ESF1: variants seen among roughly 807,000 people sequenced by gnomAD.
ESF1 encodes ESF1 homolog.
In ESF1, 58 loss-of-function variants were observed where a neutral mutation model predicts 92.0. The observed-to-expected ratio is 0.63, with a 90% CI of 0.51 to 0.78. The LOEUF is 0.78. Among genes scored for constraint, ESF1 ranks in the 30% least tolerant of loss-of-function variants. The probability of loss-of-function intolerance (pLI) is 0.00; values close to 1 mark genes in which losing one functional copy is unlikely to be tolerated. For synonymous variants in ESF1, 321 were observed against 313.7 expected, an observed-to-expected ratio of 1.02 and a Z score of -0.24; for missense variants, 922 against 989.1, an observed-to-expected ratio of 0.93 and a Z score of 0.91.
intron 3 of ESF1, among the ~76,000 whole-genome samples, 191 bp downstream of exon 3, chr20:13,775,682 G>GT (rs1172849632): frequency 6.6e-6 from 1 of 152,062 alleles, no homozygotes; most frequent in Non-Finnish European, 1.5e-5. Context: ...AATTATTTAT[G>GT]TAGAGCCTCT....
chr20:13,722,198 G>A (rs1235803110), intron 11 of ESF1, among the ~76,000 whole-genome samples: 1 of 152,072 alleles, frequency 6.6e-6, no homozygotes, highest in Non-Finnish European at 1.5e-5. Flanking sequence ...ACCTGGTGAA[G>A]AGTCTTAAAA....
chr20:13,764,389 G>C (rs977758148), intron 8 of ESF1, among the ~76,000 whole-genome samples: 6 of 152,230 alleles, frequency 3.9e-5, no homozygotes, highest in African/African-American at 7.2e-5. Flanking sequence ...AGGGAAAAAG[G>C]GTTTTGGGGC....
At chr20:13,768,688 G>A (rs1290356143) in intron 7 of ESF1, among the ~76,000 whole-genome samples, 1 of 151,760 alleles carries the variant, frequency 6.6e-6, no homozygotes, top group East Asian at 1.9e-4. Flanking sequence ...TCTGAGCTCA[G>A]GAGTTCAAGA....
At chr20:13,750,132 C>T (rs1333182956) in intron 9 of ESF1, among the ~76,000 whole-genome samples, 5 of 152,186 alleles carry the variant, frequency 3.3e-5, no homozygotes, top group African/African-American at 7.2e-5. Context: ...GCAAATCTTT[C>T]AGAGGACAGA....
chr20:13,718,486 C>G (rs1191843383), intron 12 of ESF1, among the ~76,000 whole-genome samples: 1 of 152,134 alleles, frequency 6.6e-6, no homozygotes, highest in East Asian at 1.9e-4. Context: ...TACATATTCA[C>G]AATAAGAAAA....
intron 8 of ESF1, among the ~76,000 whole-genome samples, chr20:13,765,020 C>G (rs779622805): frequency 6.6e-6 from 1 of 152,028 alleles, no homozygotes; most frequent in Non-Finnish European, 1.5e-5. Flanking sequence ...GTCAGGAGTT[C>G]GAGACCAGCC....
Position 13,775,263 on chromosome 20 carries a change from C to T in ESF1, c.1043G>A (p.Arg348His), listed in dbSNP as rs374391698. ...KDAPRADEIT[R>H]RLAVCNMDWD... ...GTCCATGTTACAAACTGCTAATCGA[C>T]GTGTAATCTGAGAAATGAGAAGAAT... The change falls in exon 4 of 14, where the codon CGT becomes CAT. Residue 348 changes from arginine to histidine, a missense_variant. Arg to His is a conservative substitution (Grantham distance 29). Coordinates refer to ENST00000617257, the MANE Select transcript of ESF1 (RefSeq NM_001276380.2). The T allele has an allele frequency of 9.4e-6, 15 of 1,587,516 alleles. No individual in the cohort carries two copies. The South Asian group carries it at 1.3e-4, about 13-fold the overall frequency.
rs1484937436 is a variant in ESF1 at position 13,766,790 on chromosome 20, T to C, written c.1653A>G (p.Glu551=). 2 of 1,613,618 alleles carry C rather than the reference T, an allele frequency of 1.2e-6. No homozygotes were observed. The highest frequency in any genetic ancestry group is 3.3e-5 in the Admixed American group (2 of 60,020). The change falls in exon 8 of 14, where the codon GAA becomes GAG. Residue 551 remains glutamate, a synonymous_variant. Coordinates refer to ENST00000617257, the MANE Select transcript of ESF1 (RefSeq NM_001276380.2). ...ASSSEDEEEI[E]EELQGDDGVN... The stretch of plus-strand genomic sequence containing the variant: ...GATTAACAATACCTTGTAGCTCCTC[T>C]TCTATCTCCTCTTCATCTTCACTAG...
intron 9 of ESF1, among the ~76,000 whole-genome samples, chr20:13,747,997 A>C (rs1300711555): frequency 6.6e-6 from 1 of 152,196 alleles, no homozygotes; most frequent in Non-Finnish European, 1.5e-5. Flanking sequence ...ATCTAAACAT[A>C]AAAAAGGCAA....
rs1417472070 is a variant in ESF1 at position 13,769,952 on chromosome 20, T to A, written c.1473A>T (p.Ala491=). The A allele has an allele frequency of 6.2e-7, 1 of 1,612,380 alleles. No homozygotes were observed. The highest frequency in any genetic ancestry group is 8.5e-7 in the Non-Finnish European group (1 of 1,179,690). The change falls in exon 7 of 14, where the codon GCA becomes GCT. Residue 491 remains alanine, a synonymous_variant. Coordinates refer to ENST00000617257, the MANE Select transcript of ESF1 (RefSeq NM_001276380.2). ...KDVASEVNLT[A]YKPKYFTSAA... is the part of the protein sequence containing the mutation. ...CAGAAGTGAAATATTTTGGTTTATATGCTGTTAAATTCACTTCTGAGGCTA... is the reference window on the plus strand; with the variant it reads ...CAGAAGTGAAATATTTTGGTTTATAAGCTGTTAAATTCACTTCTGAGGCTA...
At chr20:13,776,898 T>A (rs1979967423) in intron 2 of ESF1, among the ~76,000 whole-genome samples, 2 of 152,108 alleles carry the variant, frequency 1.3e-5, no homozygotes. Context: ...CATGTCCAGA[T>A]CACAGATAGC....
At chr20:13,719,054 G>T in intron 11 of ESF1, 70 bp from the exon 12 acceptor site, 1 of 1,014,610 alleles carries the variant, frequency 9.9e-7, no homozygotes, top group Non-Finnish European at 1.4e-6. Flanking sequence ...TTTATACTAG[G>T]AACAAAAATA....
intron 2 of ESF1, among the ~76,000 whole-genome samples, chr20:13,780,358 T>C (rs1980123578): frequency 1.3e-5 from 2 of 152,260 alleles, no homozygotes; most frequent in Non-Finnish European, 2.9e-5. Context: ...AAGTGGATGC[T>C]AGACTAACTT....
intron 8 of ESF1, among the ~76,000 whole-genome samples, chr20:13,761,923 ACT>A (rs764922511): frequency 6.6e-6 from 1 of 152,182 alleles, no homozygotes; most frequent in East Asian, 1.9e-4. Flanking sequence ...AGTAAAGGAA[ACT>A]CTACTAGCAG....
intron 1 of ESF1, 159 bp downstream of exon 1, chr20:13,784,721 T>G (rs1980580112): frequency 3.2e-6 from 1 of 311,316 alleles, no homozygotes; most frequent in African/African-American, 2.2e-5. Context: ...CGATGAAGAC[T>G]GAAGAATGAG....
chr20:13,773,976 T>G (rs947107561), intron 4 of ESF1, among the ~76,000 whole-genome samples: 1 of 151,700 alleles, frequency 6.6e-6, no homozygotes, highest in African/African-American at 2.4e-5. Flanking sequence ...GCGCCTGTAG[T>G]CCCAGCTACT....
chr20:13,738,597 G>T (rs146148771), intron 9 of ESF1, among the ~76,000 whole-genome samples: 1 of 152,162 alleles, frequency 6.6e-6, no homozygotes, highest in Admixed American at 6.5e-5. Flanking sequence ...TTACGGTCAT[G>T]AGCCACCGTG....
intron 9 of ESF1, among the ~76,000 whole-genome samples, chr20:13,748,150 G>A (rs1978364782): frequency 6.6e-6 from 1 of 152,148 alleles, no homozygotes; most frequent in African/African-American, 2.4e-5. Flanking sequence ...TCCATAGCTT[G>A]CCTTATAAAG....
chr20:13,756,263 G>A (rs997134858), intron 9 of ESF1, among the ~76,000 whole-genome samples: 3 of 152,160 alleles, frequency 2.0e-5, no homozygotes, highest in African/African-American at 7.2e-5. Context: ...CTTTACACTT[G>A]CATGTGCATG....
Sources: allele counts gnomAD v4.1 joint callset (sites outside exome capture counted in the v4.1 genomes callset), GRCh38; gene constraint gnomAD v4.1.1; transcripts MANE v1.5; gene names NCBI Gene and HGNC (gene_info 2026-07-23, HGNC 2026-07-21).